The following PLCB4 variants were observed in gnomAD, a reference collection of about 807,000 sequenced individuals.
PLCB4 encodes the protein phospholipase C beta 4, also known as 1-phosphatidylinositol 4,5-bisphosphate phosphodiesterase beta-4.
PLCB4 carries 77 observed loss-of-function variants against 178.8 expected under a neutral mutation model. The observed-to-expected ratio is 0.43, with a 90% CI of 0.36 to 0.52. PLCB4 has a LOEUF of 0.52. Ranked by LOEUF, PLCB4 falls within the 20% of genes least tolerant of loss-of-function variation. PLCB4 has a pLI of 0.00. For synonymous variants in PLCB4, 496 were observed against 490.8 expected (o/e 1.01, Z -0.14); for missense variants, 1,024 against 1,453.4 (o/e 0.70, Z 4.80).
At chr20:9,384,772 G>C (rs1351191289) in intron 14 of PLCB4, among the ~76,000 whole-genome samples, 1 of 149,976 alleles carries the variant, frequency 6.7e-6, no homozygotes, top group Non-Finnish European at 1.5e-5. Context: ...ACTGGCCATT[G>C]ATTATAGGCA....
chr20:9,419,398 T>C (rs2040470751), intron 25 of PLCB4, among the ~76,000 whole-genome samples: 2 of 152,206 alleles, frequency 1.3e-5, no homozygotes, highest in Admixed American at 1.3e-4. Flanking sequence ...AATTAGATCT[T>C]ACCATTAGAT....
chr20:9,331,167 C>T (rs1277302328), intron 4 of PLCB4, among the ~76,000 whole-genome samples: 1 of 152,174 alleles, frequency 6.6e-6, no homozygotes, highest in African/African-American at 2.4e-5. Context: ...TGTGGACTGC[C>T]ACCTCTTCTG....
intron 2 of PLCB4, among the ~76,000 whole-genome samples, chr20:9,186,492 C>G (rs1255958995): frequency 6.6e-6 from 1 of 152,102 alleles, no homozygotes; most frequent in Non-Finnish European, 1.5e-5. Context: ...TATCTGAAAC[C>G]AACTAGTAAA....
chr20:9,209,578 C>T (rs1302486470), intron 2 of PLCB4, among the ~76,000 whole-genome samples: 1 of 152,192 alleles, frequency 6.6e-6, no homozygotes, highest in African/African-American at 2.4e-5. Context: ...TTCTCCATGA[C>T]TGGCTTTGAA....
chr20:9,428,774 G>A (rs1051612732), intron 28 of PLCB4, among the ~76,000 whole-genome samples: 6 of 152,104 alleles, frequency 3.9e-5, no homozygotes, highest in Non-Finnish European at 8.8e-5. Context: ...GTGGGGAGGG[G>A]GAGTGTAGGT....
chr20:9,267,208 A>AT (rs1394613067), intron 3 of PLCB4, among the ~76,000 whole-genome samples: 16 of 152,296 alleles, frequency 1.1e-4, no homozygotes, highest in African/African-American at 3.8e-4. Context: ...TATTAAAGTG[A>AT]TTTTCATTAA....
chr20:9,239,711 G>A (rs745733687), intron 3 of PLCB4, among the ~76,000 whole-genome samples: 35 of 152,104 alleles, frequency 2.3e-4, no homozygotes, highest in Non-Finnish European at 4.0e-4. Flanking sequence ...ACAAGATGAA[G>A]TCCCACAGTA....
intron 2 of PLCB4, among the ~76,000 whole-genome samples, chr20:9,118,915 A>C (rs1379195576): frequency 6.6e-6 from 1 of 152,174 alleles, no homozygotes; most frequent in Admixed American, 6.6e-5. Flanking sequence ...TAAGGCTCTC[A>C]TGTGCTCTGA....
rs544690001 is a variant in PLCB4 at position 9,345,402 on chromosome 20, G to A, written c.369+6365G>A. Among the ~76,000 whole-genome samples the A allele has an allele frequency of 1.1e-4, 17 of 151,898 alleles. No individual in the cohort carries two copies. The South Asian group carries it at 1.2e-3, about 11-fold the overall frequency. On this transcript the variant is annotated intron_variant, in intron 7 of 39. Coordinates refer to ENST00000378473, the MANE Select transcript of PLCB4 (RefSeq NM_001377142.1). ...TCATGTTTTCTTTTGTTTTTTCCTC[G>A]CTCAGAATACAACTAGCTTGGAAGG...
At chr20:9,409,911 C>G (rs1014917051) in intron 24 of PLCB4, among the ~76,000 whole-genome samples, 2 of 152,150 alleles carry the variant, frequency 1.3e-5, no homozygotes, top group African/African-American at 2.4e-5. Flanking sequence ...GCCACAAACC[C>G]TCTTCACTGT....
At chr20:9,257,898 G>A (rs964601970) in intron 3 of PLCB4, among the ~76,000 whole-genome samples, 2 of 152,128 alleles carry the variant, frequency 1.3e-5, no homozygotes, top group Admixed American at 1.3e-4. Flanking sequence ...TGAAAAGGAG[G>A]ACTTCAAGAG....
In PLCB4 at chr20:9,473,363, C is replaced by CAGGT; in HGVS notation, c.3495_3495+3dup. Reference sequence around the variant, plus strand: ...AGAATTCCTAGAGAAACAGAATGAGCAGGTATTTTACCTAAAATACGTAAA... The same window carrying CAGGT: ...AGAATTCCTAGAGAAACAGAATGAGCAGGTAGGTATTTTACCTAAAATACGTAAA... On this transcript the variant is annotated frameshift_variant and splice_region_variant, in exon 38 of 40. Transcript: ENST00000378473. LOFTEE classifies it high-confidence loss of function. 1 of 1,569,192 alleles carries CAGGT rather than the reference C, an allele frequency of 6.4e-7. No individual in the cohort carries two copies. The highest frequency in any genetic ancestry group is 8.7e-7 in the Non-Finnish European group (1 of 1,146,304).
At chr20:9,292,440 A>G (rs1166681304) in intron 3 of PLCB4, among the ~76,000 whole-genome samples, 1 of 152,060 alleles carries the variant, frequency 6.6e-6, no homozygotes, top group Non-Finnish European at 1.5e-5. Flanking sequence ...GTCTCTAGGG[A>G]TAAGAACATC....
chr20:9,263,232 C>T (rs1052059484), intron 3 of PLCB4, among the ~76,000 whole-genome samples: 2 of 152,084 alleles, frequency 1.3e-5, no homozygotes, highest in African/African-American at 2.4e-5. Context: ...CCATGGATAG[C>T]GTTGTGGATA....
At chr20:9,472,956 A>C in intron 37 of PLCB4, 109 bp downstream of exon 37, 1 of 640,506 alleles carries the variant, frequency 1.6e-6, no homozygotes, top group Non-Finnish European at 2.7e-6. Flanking sequence ...TTTTCTGTAC[A>C]TTAAACATTC....
intron 36 of PLCB4, among the ~76,000 whole-genome samples, chr20:9,471,222 A>G (rs1188149508): frequency 6.6e-6 from 1 of 152,204 alleles, no homozygotes; most frequent in Non-Finnish European, 1.5e-5. Context: ...TAATGAGCTA[A>G]CCACTCAAAG....
At chr20:9,144,236 TG>T (rs2092550588) in intron 2 of PLCB4, among the ~76,000 whole-genome samples, 1 of 152,070 alleles carries the variant, frequency 6.6e-6, no homozygotes, top group Admixed American at 6.6e-5. Flanking sequence ...TCTTTAAGGT[TG>T]ATGTCTGGGA....
At chr20:9,085,826 T>G (rs2090384002) in intron 1 of PLCB4, among the ~76,000 whole-genome samples, 1 of 152,206 alleles carries the variant, frequency 6.6e-6, no homozygotes, top group African/African-American at 2.4e-5. Flanking sequence ...CCAAGATACT[T>G]GAACATATTA....
intron 35 of PLCB4, among the ~76,000 whole-genome samples, chr20:9,462,408 G>A (rs2043462190): frequency 6.6e-6 from 1 of 152,212 alleles, no homozygotes. Context: ...GCTGGATGGA[G>A]AAGGACTTTG....
Sources: gnomAD v4.1 joint callset for allele counts (sites outside exome capture counted in the v4.1 genomes callset) on GRCh38, gnomAD v4.1.1 for gene constraint, MANE v1.5 for transcripts, NCBI Gene and HGNC (gene_info 2026-07-23, HGNC 2026-07-21) for gene names.